The following AVEN variants were observed in gnomAD, a reference collection of about 807,000 sequenced individuals.
AVEN encodes cell death regulator Aven.
A neutral mutation model predicts 38.1 loss-of-function variants in AVEN; 41 were observed. The ratio of observed to expected loss-of-function variants is 1.08; its 90% CI spans 0.84 to 1.40. AVEN has a LOEUF of 1.40. Ranked by LOEUF, AVEN falls within the 40% of genes most tolerant of loss-of-function variation. AVEN has a pLI of 0.00. For missense variants in AVEN, 605 were observed against 438.8 expected (o/e 1.38, Z -3.38); for synonymous variants, 206 against 171.8 (o/e 1.20, Z -1.56).
At chr15:33,860,992 T>C in intron 11 of AVEN, 2 of 1,067,312 alleles carry the variant, frequency 1.9e-6, no homozygotes, top group East Asian at 5.2e-5. Flanking sequence ...GTTTTCATTA[T>C]CCTTCAATTC....
chr15:33,918,972 G>A (rs1470114025), intron 2 of AVEN, among the ~76,000 whole-genome samples: 1 of 149,546 alleles, frequency 6.7e-6, no homozygotes, highest in Non-Finnish European at 1.5e-5. Context: ...CCAGGCTGGA[G>A]TGCAGTGGTG....
At chr15:33,869,119 C>G (rs988842671) in intron 4 of AVEN, among the ~76,000 whole-genome samples, 7 of 152,142 alleles carry the variant, frequency 4.6e-5, no homozygotes, top group African/African-American at 1.7e-4. Flanking sequence ...AAATATCCAG[C>G]AGAGTCAGTC....
chr15:34,057,131 G>T lies in AVEN; in HGVS notation n.1637+5791C>A, dbSNP rs1285336857. On this transcript the variant is annotated intron_variant and non_coding_transcript_variant, in intron 5 of 11. Coordinates refer to the AVEN transcript ENST00000675287. ...TCATTCCTACCAGGAGAAGAGTTTTGGTTTTTTTTGGTTTTTTTTTTTAGG... is the reference window on the plus strand; with the variant it reads ...TCATTCCTACCAGGAGAAGAGTTTTTGTTTTTTTTGGTTTTTTTTTTTAGG... 3.0e-3 allele frequency among the ~76,000 whole-genome samples: 136 copies of T among 45,408 alleles called. 1 individual carries two copies. Among genetic ancestry groups the T allele is most frequent in the Non-Finnish European group, 9.2e-3 (62 of 6,726 alleles). The allele number at this position is 45,408 out of a possible 152,430, so 29.8% of individuals were successfully genotyped here.
chr15:34,004,817 A>T (rs1291704841), intron 1 of AVEN, among the ~76,000 whole-genome samples: 2 of 152,194 alleles, frequency 1.3e-5, no homozygotes, highest in Admixed American at 1.3e-4. Context: ...AAATTTTTTC[A>T]TAATAGAATA....
chr15:33,931,621 C>T (rs939619582), intron 2 of AVEN, among the ~76,000 whole-genome samples: 5 of 152,114 alleles, frequency 3.3e-5, no homozygotes, highest in African/African-American at 9.7e-5. Flanking sequence ...CTGCCCGCCT[C>T]GGCCTCCCAA....
chr15:33,933,617 T>G (rs921989248), intron 2 of AVEN, among the ~76,000 whole-genome samples: 2 of 145,108 alleles, frequency 1.4e-5, no homozygotes, highest in Admixed American at 1.4e-4. Flanking sequence ...CAGTCTCTTT[T>G]TCTCTCATAC....
chr15:34,049,034 C>T (rs115318356), intron 5 of AVEN, among the ~76,000 whole-genome samples: 5 of 152,148 alleles, frequency 3.3e-5, no homozygotes, highest in South Asian at 2.1e-4. Flanking sequence ...AAAGACCCCA[C>T]AAAAACCTAT....
intron 2 of AVEN, among the ~76,000 whole-genome samples, chr15:33,906,844 C>T (rs1892721678): frequency 6.6e-6 from 1 of 151,802 alleles, no homozygotes; most frequent in South Asian, 2.1e-4. Context: ...GTGAATACAC[C>T]TAATACCACT....
At chr15:33,930,954 CAAA>C (rs61006422) in intron 2 of AVEN, among the ~76,000 whole-genome samples, 2 of 111,836 alleles carry the variant, frequency 1.8e-5, no homozygotes, top group Admixed American at 9.3e-5. Flanking sequence ...GACTCTGTCT[CAAA>C]AAAAAAAAAA....
intron 2 of AVEN, among the ~76,000 whole-genome samples, chr15:33,893,092 T>C (rs564486310): frequency 6.6e-6 from 1 of 152,346 alleles, no homozygotes; most frequent in South Asian, 2.1e-4. Context: ...TTTGCTGAAG[T>C]TGCTCATCAG....
intron 5 of AVEN, 94 bp downstream of exon 5, chr15:33,867,401 A>G (rs1890650154): frequency 6.8e-7 from 1 of 1,469,964 alleles, no homozygotes; most frequent in Non-Finnish European, 9.1e-7. Context: ...AATGTCAGAC[A>G]CCCAGAGGGA....
At chr15:34,006,318 A>AC (rs71309461) in intron 1 of AVEN, among the ~76,000 whole-genome samples, 1 of 152,076 alleles carries the variant, frequency 6.6e-6, no homozygotes, top group Non-Finnish European at 1.5e-5. Flanking sequence ...CTCAAAAAAA[A>AC]AAAAAACAGC....
chr15:33,888,531 G>C (rs542191043), intron 2 of AVEN, among the ~76,000 whole-genome samples: 4 of 152,294 alleles, frequency 2.6e-5, no homozygotes, highest in Admixed American at 1.3e-4. Flanking sequence ...CATAAAATGT[G>C]AACAAGGTAA....
chr15:33,978,469 G>T (rs541761097), intron 2 of AVEN, among the ~76,000 whole-genome samples: 1 of 152,200 alleles, frequency 6.6e-6, no homozygotes, highest in East Asian at 1.9e-4. Context: ...TTCAAAACCA[G>T]CCTGATCAAC....
At chr15:33,949,181 G>A (rs1296241614) in intron 2 of AVEN, among the ~76,000 whole-genome samples, 2 of 151,858 alleles carry the variant, frequency 1.3e-5, no homozygotes, top group East Asian at 3.9e-4. Context: ...CCGCCACCAC[G>A]CCCGGCTAAT....
chr15:33,989,791 T>C (rs1338829029), intron 2 of AVEN, among the ~76,000 whole-genome samples: 2 of 151,840 alleles, frequency 1.3e-5, no homozygotes, highest in African/African-American at 4.8e-5. Flanking sequence ...TTGCTCTCCT[T>C]CCCAAAACCC....
intron 5 of AVEN, among the ~76,000 whole-genome samples, chr15:34,059,797 C>T (rs752219554): frequency 1.8e-4 from 27 of 152,222 alleles, no homozygotes; most frequent in Non-Finnish European, 2.9e-4. Flanking sequence ...CCCATGTCCA[C>T]TCAACGAGGC....
intron 2 of AVEN, among the ~76,000 whole-genome samples, chr15:33,918,925 T>G (rs1375155145): frequency 3.1e-5 from 1 of 32,144 alleles, no homozygotes; most frequent in Non-Finnish European, 1.2e-4. Flanking sequence ...TGCTTTTCTG[T>G]TTTTTTTTTT....
In AVEN at chr15:33,873,471, ATG is replaced by A. The variant is rs370585710; in HGVS notation, c.517-2443_517-2442del. On this transcript the variant is annotated intron_variant, in intron 3 of 5. Transcript: ENST00000306730. Reference sequence around the variant, plus strand: ...GTATAAGGAACAACAAATTACATATATGTGTGTGTGTACATATATATAATATA... The same window carrying A: ...GTATAAGGAACAACAAATTACATATATGTGTGTGTACATATATATAATATA... Among the ~76,000 whole-genome samples the A allele has an allele frequency of 3.6e-4, 54 of 148,306 alleles. No individual in the cohort carries two copies. In the East Asian group the frequency reaches 8.6e-3, roughly 24 times the overall value.
Sources: gnomAD v4.1 joint callset for allele counts (sites outside exome capture counted in the v4.1 genomes callset) on GRCh38, gnomAD v4.1.1 for gene constraint, MANE v1.5 for transcripts, NCBI Gene and HGNC (gene_info 2026-07-23, HGNC 2026-07-21) for gene names.